Variants in TMEM135 observed in about 807,000 individuals in gnomAD.
TMEM135 encodes peroxisomal membrane protein 52.
In TMEM135, 30 loss-of-function variants were observed where a neutral mutation model predicts 60.3. The ratio of observed to expected loss-of-function variants is 0.50; its 90% CI spans 0.37 to 0.68. The LOEUF (loss-of-function observed/expected upper bound fraction) is 0.68. Among genes scored for constraint, TMEM135 ranks in the 30% least tolerant of loss-of-function variants. TMEM135 has a pLI of 0.00. For synonymous variants in TMEM135, 190 were observed against 186.7 expected (o/e 1.02, Z -0.14); for missense variants, 468 against 548.8 (o/e 0.85, Z 1.47).
intron 4 of TMEM135, among the ~76,000 whole-genome samples, chr11:87,129,184 T>C (rs12576009): frequency 0.35 from 52,373 of 150,080 alleles, 9,703 homozygotes; most frequent in East Asian, 0.62. Context: ...CAGAATTTGC[T>C]TTTTTCTATA....
intron 5 of TMEM135, among the ~76,000 whole-genome samples, chr11:87,229,674 ATTCATAGGAGAC>A (rs1338302349): frequency 6.6e-6 from 1 of 152,162 alleles, no homozygotes; most frequent in Non-Finnish European, 1.5e-5. Context: ...ATCCACTCTG[ATTCATAGGAGAC>A]TTTAAATAAA....
intron 6 of TMEM135, among the ~76,000 whole-genome samples, chr11:87,257,494 T>C (rs1941551318): frequency 6.6e-6 from 1 of 152,214 alleles, no homozygotes; most frequent in Non-Finnish European, 1.5e-5. Flanking sequence ...ATGTAGCCTC[T>C]TTGTGCCTCA....
chr11:87,319,348 G>C lies in TMEM135; in HGVS notation c.1215G>C (p.Trp405Cys). Residue 405 changes from tryptophan to cysteine, a missense_variant, in exon 14 of 15, where the codon TGG (tryptophan) becomes TGC (cysteine). Coordinates refer to ENST00000305494, the MANE Select transcript of TMEM135 (RefSeq NM_022918.4). ...TTCAGACTTTGAGACCATCTTACTGGAAGTTCCTTTTAAGACTCACCAAGG... is the reference window on the plus strand; with the variant it reads ...TTCAGACTTTGAGACCATCTTACTGCAAGTTCCTTTTAAGACTCACCAAGG... ...MEVQTLRPSY[W>C]KFLLRLTKGK... is the part of the protein sequence containing the mutation. 6.2e-7 allele frequency: 1 copy of C among 1,613,420 alleles called. No homozygotes were observed. The highest frequency in any genetic ancestry group is 8.5e-7 in the Non-Finnish European group (1 of 1,179,602).
At chr11:87,118,924 G>C (rs1857966976) in intron 4 of TMEM135, among the ~76,000 whole-genome samples, 1 of 152,172 alleles carries the variant, frequency 6.6e-6, no homozygotes, top group South Asian at 2.1e-4. Flanking sequence ...ATTAGGTTTT[G>C]GTGAAGGGAA....
At chr11:87,246,344 C>T (rs1275234199) in intron 6 of TMEM135, among the ~76,000 whole-genome samples, 1 of 150,542 alleles carries the variant, frequency 6.6e-6, no homozygotes, top group Admixed American at 6.6e-5. Flanking sequence ...AGTTGCTCTT[C>T]TCGAGGAGTA....
chr11:87,168,856 C>G (rs1939143944), intron 5 of TMEM135, among the ~76,000 whole-genome samples: 1 of 152,020 alleles, frequency 6.6e-6, no homozygotes, highest in Admixed American at 6.5e-5. Flanking sequence ...TCCTGGATAT[C>G]CTTGTTAATT....
chr11:87,116,172 A>G (rs1316287977), intron 4 of TMEM135, among the ~76,000 whole-genome samples: 1 of 152,144 alleles, frequency 6.6e-6, no homozygotes, highest in African/African-American at 2.4e-5. Flanking sequence ...ATTATGTGCC[A>G]TAAGTACATA....
In TMEM135 at chr11:87,050,620, A is replaced by C. The variant is rs1212035280; in HGVS notation, c.141+12434A>C. On this transcript the variant is annotated intron_variant, in intron 1 of 14. Coordinates refer to ENST00000305494, the MANE Select transcript of TMEM135 (RefSeq NM_022918.4). ...CTCTCCCAAGACTAAACCAGGAAGAAGTTGAATCTCTGAATAGACCAATAA... is the reference window on the plus strand; with the variant it reads ...CTCTCCCAAGACTAAACCAGGAAGACGTTGAATCTCTGAATAGACCAATAA... 4.6e-3 allele frequency among the ~76,000 whole-genome samples: 159 copies of C among 34,594 alleles called. 1 individual carries two copies. The highest frequency in any genetic ancestry group is 0.038 in the African/African-American group (138 of 3,612). The allele number at this position is 34,594 out of a possible 152,430, so 22.7% of individuals were successfully genotyped here. A position where few individuals can be genotyped will look rare whatever the true frequency, so the allele number is the denominator to read the frequency against.
At chr11:87,111,884 C>A (rs1190806192) in intron 4 of TMEM135, among the ~76,000 whole-genome samples, 17 of 152,008 alleles carry the variant, frequency 1.1e-4, no homozygotes. Flanking sequence ...GGATATATGA[C>A]TTCTCTAAAC....
chr11:87,207,210 A>G (rs941864656), intron 5 of TMEM135, among the ~76,000 whole-genome samples: 1 of 152,212 alleles, frequency 6.6e-6, no homozygotes, highest in African/African-American at 2.4e-5. Flanking sequence ...GCTTTGGGCT[A>G]TTTGCTTTAG....
chr11:87,167,612 A>T (rs1939092532), intron 5 of TMEM135, among the ~76,000 whole-genome samples: 1 of 152,124 alleles, frequency 6.6e-6, no homozygotes, highest in South Asian at 2.1e-4. Context: ...GAGTACGTTT[A>T]TTGATTTGTG....
At chr11:87,206,397 C>CA (rs1426549305) in intron 5 of TMEM135, among the ~76,000 whole-genome samples, 10 of 151,928 alleles carry the variant, frequency 6.6e-5, no homozygotes, top group Non-Finnish European at 1.3e-4. Flanking sequence ...TACAGGAAGG[C>CA]AAATGATGGT....
intron 5 of TMEM135, among the ~76,000 whole-genome samples, chr11:87,222,499 C>CA (rs748866211): frequency 0.21 from 20,645 of 99,828 alleles, 1,719 homozygotes; most frequent in Middle Eastern, 0.24. Flanking sequence ...ACTCCGTCTC[C>CA]AAAAAAAAAA....
At chr11:87,198,536 TCCCTTCCCTCCTCCCTCCCCTCTC>T (rs1940012588) in intron 5 of TMEM135, among the ~76,000 whole-genome samples, 1 of 119,536 alleles carries the variant, frequency 8.4e-6, no homozygotes, top group Admixed American at 9.6e-5. Flanking sequence ...CCCCCACTCC[TCCCTTCCCTCCTCCCTCCCCTCTC>T]CCCTCCCCTC....
intron 4 of TMEM135, among the ~76,000 whole-genome samples, chr11:87,111,524 G>C (rs1267002108): frequency 6.6e-6 from 1 of 151,684 alleles, no homozygotes; most frequent in East Asian, 1.9e-4. Context: ...GGTGGTGGGC[G>C]CCTGTAGTCC....
chr11:87,326,256 G>C lies in TMEM135; in HGVS notation c.*4923G>C, dbSNP rs897715607. The stretch of plus-strand genomic sequence containing the variant: ...CAACATGCTTTATCTGCCTTGCTTA[G>C]ACTCAGCATCCCTTTCTGTCTTGAG... On this transcript the variant is annotated 3_prime_UTR_variant, in exon 15 of 15. Transcript: ENST00000305494. 4 of 453,876 alleles carry C rather than the reference G, an allele frequency of 8.8e-6. No individual in the cohort carries two copies. Among genetic ancestry groups the C allele is most frequent in the African/African-American group, 6.0e-5 (3 of 49,956 alleles). 28.1% of individuals were successfully genotyped at this position (453,876 alleles called of 1,614,324 possible). A position where few individuals can be genotyped will look rare whatever the true frequency, so the allele number is the denominator to read the frequency against.
intron 4 of TMEM135, among the ~76,000 whole-genome samples, chr11:87,104,973 G>T (rs1038556643): frequency 6.6e-6 from 1 of 152,146 alleles, no homozygotes; most frequent in Non-Finnish European, 1.5e-5. Flanking sequence ...GAGATGGTGA[G>T]AGTGGGCATC....
At chr11:87,146,451 T>C (rs1224824261) in intron 4 of TMEM135, among the ~76,000 whole-genome samples, 1 of 152,168 alleles carries the variant, frequency 6.6e-6, no homozygotes, top group Non-Finnish European at 1.5e-5. Flanking sequence ...TTTATTTTTA[T>C]TTTTTAGAAA....
chr11:87,231,068 A>G (rs1054775165), intron 5 of TMEM135, among the ~76,000 whole-genome samples: 3 of 152,118 alleles, frequency 2.0e-5, no homozygotes, highest in African/African-American at 7.2e-5. Context: ...AATGTGCTCT[A>G]CAGTTACCCA....
Sources: gnomAD v4.1 joint callset for allele counts (sites outside exome capture counted in the v4.1 genomes callset) on GRCh38, gnomAD v4.1.1 for gene constraint, MANE v1.5 for transcripts, NCBI Gene and HGNC (gene_info 2026-07-23, HGNC 2026-07-21) for gene names.